Variants in INTS7 observed in about 807,000 individuals in gnomAD.
INTS7 encodes integrator complex subunit 7.
In INTS7, 46 loss-of-function variants were observed where a neutral mutation model predicts 109.2. That is an observed-to-expected ratio of 0.42 (90% CI 0.33 to 0.54). The LOEUF (loss-of-function observed/expected upper bound fraction) is 0.54, where lower values mean the gene tolerates loss of function less well. Among genes scored for constraint, INTS7 ranks in the 20% least tolerant of loss-of-function variants. INTS7 has a pLI of 0.07. For missense variants in INTS7, 929 were observed against 1,132.4 expected (o/e 0.82, Z 2.58); for synonymous variants, 412 against 402.9 (o/e 1.02, Z -0.27).
At chr1:211,949,911 G>A (rs1300321950) in intron 17 of INTS7, among the ~76,000 whole-genome samples, 3 of 152,144 alleles carry the variant, frequency 2.0e-5, no homozygotes, top group African/African-American at 2.4e-5. Flanking sequence ...TTTTGAATAT[G>A]TTCTCTACCT....
At position 211,957,271 on chromosome 1, in the gene INTS7, C is replaced by T. The variant is rs572443865; in HGVS notation, c.2184-4570G>A. The stretch of plus-strand genomic sequence containing the variant: ...TTATAAAATTGGATTGTCAGCCGGG[C>T]ATGGTGTCTCATGCCTATAATCCCA... On this transcript the variant is annotated intron_variant, in intron 16 of 19. Coordinates refer to ENST00000366994, the MANE Select transcript of INTS7 (RefSeq NM_015434.4). Among the ~76,000 whole-genome samples, 21 of 152,172 alleles carry T rather than the reference C, an allele frequency of 1.4e-4. 2 individuals are homozygous for T. The South Asian group carries it at 4.1e-3, about 30-fold the overall frequency.
At chr1:211,963,863 A>C (rs550885028) in intron 16 of INTS7, among the ~76,000 whole-genome samples, 3 of 152,284 alleles carry the variant, frequency 2.0e-5, no homozygotes, top group African/African-American at 7.2e-5. Flanking sequence ...AGAGTCACCT[A>C]TGTCAAAACC....
intron 2 of INTS7, 125 bp downstream of exon 2, chr1:212,020,955 GTCA>G: frequency 1.2e-6 from 1 of 830,012 alleles, no homozygotes; most frequent in South Asian, 2.0e-5. Context: ...GCTGCACACA[GTCA>G]TGTGTGTCCA....
intron 13 of INTS7, among the ~76,000 whole-genome samples, chr1:211,970,552 T>C (rs1044151711): frequency 6.6e-6 from 1 of 152,192 alleles, no homozygotes; most frequent in Non-Finnish European, 1.5e-5. Flanking sequence ...ATATTGACCT[T>C]AGCAAACAAA....
At chr1:212,007,573 A>G (rs1665985083) in intron 5 of INTS7, 124 bp from the exon 6 acceptor site, 2 of 635,448 alleles carry the variant, frequency 3.1e-6, no homozygotes, top group Non-Finnish European at 5.5e-6. Context: ...ATATATTTAT[A>G]ACATTAAAGA....
intron 7 of INTS7, among the ~76,000 whole-genome samples, chr1:212,006,341 A>T (rs1346743765): frequency 1.3e-5 from 2 of 152,162 alleles, no homozygotes; most frequent in South Asian, 2.1e-4. Flanking sequence ...ATACAAGAAT[A>T]AAAAAACCAA....
intron 2 of INTS7, among the ~76,000 whole-genome samples, chr1:212,020,519 A>G (rs369949646): frequency 2.0e-5 from 3 of 152,144 alleles, no homozygotes; most frequent in African/African-American, 7.2e-5. Flanking sequence ...GAGCAGAACT[A>G]AATCTCCTCA....
intron 3 of INTS7, among the ~76,000 whole-genome samples, chr1:212,019,550 G>A (rs1666601722): frequency 6.6e-6 from 1 of 152,020 alleles, no homozygotes; most frequent in Non-Finnish European, 1.5e-5. Context: ...GATATAAAAA[G>A]TTATAGATAT....
At chr1:212,033,110 C>T (rs1667244954) in intron 1 of INTS7, among the ~76,000 whole-genome samples, 2 of 152,078 alleles carry the variant, frequency 1.3e-5, no homozygotes, top group African/African-American at 4.8e-5. Context: ...AGTACAAAGC[C>T]CGATCAAATA....
chr1:211,981,690 C>T (rs1279678653), intron 9 of INTS7, among the ~76,000 whole-genome samples: 1 of 152,086 alleles, frequency 6.6e-6, no homozygotes, highest in African/African-American at 2.4e-5. Flanking sequence ...AAAGAATGAA[C>T]CTCTTAGATG....
chr1:211,980,861 T>G (rs1299887913), intron 10 of INTS7, among the ~76,000 whole-genome samples: 1 of 152,230 alleles, frequency 6.6e-6, no homozygotes, highest in Non-Finnish European at 1.5e-5. Flanking sequence ...CACTGGGAAA[T>G]TAATGAACGC....
chr1:211,986,296 A>G (rs1037916081), intron 8 of INTS7, among the ~76,000 whole-genome samples: 12 of 152,134 alleles, frequency 7.9e-5, no homozygotes, highest in Non-Finnish European at 1.8e-4. Flanking sequence ...AGTGACCCCA[A>G]GTGAGGCCAA....
rs112694746 is a variant in INTS7, at chr1:212,034,723, G to A, written c.94+621C>T. The stretch of plus-strand genomic sequence containing the variant: ...GTACCCACTTTGCAGACGACAAGCC[G>A]AGGCTAGATGAAGTTAATCATAAAA... On this transcript the variant is annotated intron_variant, in intron 1 of 19. Coordinates refer to ENST00000366994, the MANE Select transcript of INTS7 (RefSeq NM_015434.4). 3.4e-4 allele frequency among the ~76,000 whole-genome samples: 52 copies of A among 152,286 alleles called. 1 individual carries two copies. The highest frequency in any genetic ancestry group is 1.2e-3 in the African/African-American group (51 of 41,546).
chr1:211,981,770 A>G (rs1664678129), intron 9 of INTS7, among the ~76,000 whole-genome samples: 2 of 152,188 alleles, frequency 1.3e-5, no homozygotes, highest in African/African-American at 4.8e-5. Context: ...AAGGTTTTAG[A>G]AAGTTCTGAA....
At chr1:212,000,910 C>G (rs1241401210) in intron 7 of INTS7, among the ~76,000 whole-genome samples, 1 of 152,174 alleles carries the variant, frequency 6.6e-6, no homozygotes, top group Non-Finnish European at 1.5e-5. Flanking sequence ...TCCAGTCTCA[C>G]CCACTCAAGG....
chr1:212,018,397 T>C (rs778239139), intron 3 of INTS7, among the ~76,000 whole-genome samples: 9 of 152,100 alleles, frequency 5.9e-5, no homozygotes, highest in Non-Finnish European at 1.0e-4. Context: ...ATGATTAACA[T>C]TCAAATATTA....
At chr1:211,949,235 T>C (rs1662981417) in intron 17 of INTS7, among the ~76,000 whole-genome samples, 1 of 152,222 alleles carries the variant, frequency 6.6e-6, no homozygotes, top group Non-Finnish European at 1.5e-5. Flanking sequence ...ATGTTTTTCA[T>C]AGGCAATTCT....
At chr1:212,016,837 T>C (rs750635727) in intron 4 of INTS7, 49 bp downstream of exon 4, 2 of 1,535,240 alleles carry the variant, frequency 1.3e-6, no homozygotes, top group Non-Finnish European at 8.8e-7. Context: ...TTCAAAAATT[T>C]TTCTTGGGAA....
At chr1:212,021,387 T>C (rs12120122) in intron 1 of INTS7, among the ~76,000 whole-genome samples, 175 bp from the exon 2 acceptor site, 4,179 of 152,146 alleles carry the variant, frequency 0.027, 147 homozygotes, top group East Asian at 0.12. Flanking sequence ...AATAGTAATC[T>C]GGAAATCGCT....
Sources: allele counts gnomAD v4.1 joint callset (sites outside exome capture counted in the v4.1 genomes callset), GRCh38; gene constraint gnomAD v4.1.1; transcripts MANE v1.5; gene names NCBI Gene and HGNC (gene_info 2026-07-23, HGNC 2026-07-21).